Variants in TTLL11 observed in about 807,000 individuals in gnomAD.
The protein encoded by TTLL11 is tubulin polyglutamylase TTLL11.
A neutral mutation model predicts 51.7 loss-of-function variants in TTLL11; 42 were observed. The observed-to-expected ratio is 0.81, with a 90% confidence interval of 0.64 to 1.05. The LOEUF is 1.05. TTLL11 is among the 50% of genes least tolerant of loss of function. The pLI, the probability that TTLL11 is intolerant of heterozygous loss-of-function variation, is 0.00. For missense variants in TTLL11, 799 were observed against 940.4 expected, an observed-to-expected ratio of 0.85 and a Z score of 1.97; for synonymous variants, 381 against 383.5, an observed-to-expected ratio of 0.99 and a Z score of 0.08.
intron 4 of TTLL11, among the ~76,000 whole-genome samples, chr9:121,984,793 G>A (rs1588176455): frequency 6.6e-6 from 1 of 152,220 alleles, no homozygotes. Flanking sequence ...ATGGAACTGG[G>A]AAAGAACGTT....
chr9:121,917,273 G>A (rs900979835), intron 6 of TTLL11, among the ~76,000 whole-genome samples: 5 of 151,388 alleles, frequency 3.3e-5, no homozygotes, highest in East Asian at 1.9e-4. Flanking sequence ...GTTCGAGACC[G>A]CCTAGGCAAT....
intron 6 of TTLL11, among the ~76,000 whole-genome samples, chr9:121,871,031 G>A (rs530666700): frequency 2.6e-5 from 4 of 152,194 alleles, no homozygotes; most frequent in Admixed American, 1.3e-4. Flanking sequence ...ATGATTCAAC[G>A]GAATACTCTG....
At chr9:121,969,323 G>C (rs74518112) in intron 6 of TTLL11, among the ~76,000 whole-genome samples, 1 of 152,104 alleles carries the variant, frequency 6.6e-6, no homozygotes, top group Non-Finnish European at 1.5e-5. Flanking sequence ...AGGCACCCTC[G>C]AATATGCCAA....
chr9:121,965,332 G>C (rs1311750739), intron 6 of TTLL11, among the ~76,000 whole-genome samples: 1 of 152,188 alleles, frequency 6.6e-6, no homozygotes, highest in Non-Finnish European at 1.5e-5. Context: ...GGAGGCCTCA[G>C]GAAACTTACA....
At chr9:122,030,842 G>A (rs1260735926) in intron 3 of TTLL11, among the ~76,000 whole-genome samples, 2 of 151,342 alleles carry the variant, frequency 1.3e-5, no homozygotes, top group Admixed American at 1.3e-4. Context: ...TCAGAAGGCT[G>A]AGGCAGGAGA....
At position 121,870,582 on chromosome 9, in the gene TTLL11, C is replaced by G; in HGVS notation, c.1648G>C (p.Asp550His). Residue 550 changes from aspartate (D) to histidine (H), a missense_variant, in exon 7 of 9, where the codon GAC (aspartate) becomes CAC (histidine). Transcript: ENST00000321582. Reference protein sequence around the residue: ...AKQFNYLRLVDRMANLFIRFL... With the variant: ...AKQFNYLRLVHRMANLFIRFL... ...CGGATAAACAAATTTGCCATCCTGT[C>G]CACCAGGCGCAGGTAGTTGAACTGT... 1 of 1,551,738 alleles carries G rather than the reference C, an allele frequency of 6.4e-7. No homozygotes were observed. Among genetic ancestry groups the G allele is most frequent in the Non-Finnish European group, 8.7e-7 (1 of 1,147,002 alleles).
chr9:122,081,849 T>C (rs1003772055), intron 1 of TTLL11, among the ~76,000 whole-genome samples: 1 of 151,976 alleles, frequency 6.6e-6, no homozygotes, highest in African/African-American at 2.4e-5. Flanking sequence ...ACCATAATAT[T>C]TACAAACCAA....
intron 6 of TTLL11, among the ~76,000 whole-genome samples, chr9:121,902,462 A>T (rs191881170): frequency 3.9e-5 from 6 of 152,316 alleles, no homozygotes; most frequent in South Asian, 2.1e-4. Flanking sequence ...GTAGTTAGGA[A>T]CCTTGGAGAA....
chr9:121,994,631 G>A (rs1843203171), intron 3 of TTLL11, among the ~76,000 whole-genome samples: 1 of 152,202 alleles, frequency 6.6e-6, no homozygotes, highest in Non-Finnish European at 1.5e-5. Flanking sequence ...ATGAGAAGGG[G>A]ATGGAGGAAG....
chr9:122,067,012 C>T (rs1845603280), intron 1 of TTLL11, among the ~76,000 whole-genome samples: 1 of 152,154 alleles, frequency 6.6e-6, no homozygotes, highest in South Asian at 2.1e-4. Flanking sequence ...CAATTACCTT[C>T]ACCTGGTCTC....
chr9:121,958,601 T>C (rs1024690847), intron 6 of TTLL11, among the ~76,000 whole-genome samples: 6 of 152,116 alleles, frequency 3.9e-5, no homozygotes, highest in African/African-American at 1.4e-4. Flanking sequence ...AGGCTTCAGC[T>C]AGTAGATTTG....
chr9:121,929,458 ATATTT>A (rs1840882492), intron 6 of TTLL11, among the ~76,000 whole-genome samples: 1 of 151,980 alleles, frequency 6.6e-6, no homozygotes, highest in Admixed American at 6.6e-5. Flanking sequence ...AAAAAGTTAC[ATATTT>A]TATTTTAGGA....
intron 1 of TTLL11, among the ~76,000 whole-genome samples, chr9:122,040,036 C>T (rs949462744): frequency 1.3e-5 from 2 of 152,216 alleles, no homozygotes; most frequent in African/African-American, 2.4e-5. Flanking sequence ...GATGAGATAA[C>T]CAGATTCTCT....
chr9:122,088,009 G>A (rs1339618829), intron 1 of TTLL11, among the ~76,000 whole-genome samples: 1 of 152,176 alleles, frequency 6.6e-6, no homozygotes, highest in East Asian at 1.9e-4. Context: ...TGGCCAGAAC[G>A]GGTATGACTG....
chr9:121,873,108 T>C (rs1435897385), intron 6 of TTLL11, among the ~76,000 whole-genome samples: 2 of 152,182 alleles, frequency 1.3e-5, no homozygotes, highest in Non-Finnish European at 2.9e-5. Context: ...CAAGGAAAGA[T>C]TTGGAAATGT....
At position 121,987,490 on chromosome 9, in the gene TTLL11, T is replaced by C. The variant is rs139018246; in HGVS notation, c.1269+1705A>G. ...ACAGCTGAATGGCCTGTAAGAATGTTCCAGCCTCATTCCCTTCCCTCCCAC... is the reference window on the plus strand; with the variant it reads ...ACAGCTGAATGGCCTGTAAGAATGTCCCAGCCTCATTCCCTTCCCTCCCAC... On this transcript the variant is annotated intron_variant, in intron 4 of 8. Transcript: ENST00000321582. Among the ~76,000 whole-genome samples, 565 of 152,196 alleles carry C rather than the reference T, an allele frequency of 3.7e-3. 2 individuals are homozygous for C. The highest frequency in any genetic ancestry group is 0.013 in the African/African-American group (537 of 41,524).
At chr9:121,986,986 C>A (rs1842958823) in intron 4 of TTLL11, among the ~76,000 whole-genome samples, 1 of 151,938 alleles carries the variant, frequency 6.6e-6, no homozygotes, top group Non-Finnish European at 1.5e-5. Context: ...ATGGGTGGAC[C>A]TTGGAAACCT....
chr9:122,031,587 C>G (rs1844545841), intron 3 of TTLL11, 136 bp downstream of exon 3: 5 of 1,000,620 alleles, frequency 5.0e-6, no homozygotes, highest in Non-Finnish European at 7.1e-6. Context: ...CTGCCAACAC[C>G]TACTGTGTAC....
At chr9:121,860,203 C>G in intron 8 of TTLL11, 134 bp downstream of exon 8, 1 of 655,002 alleles carries the variant, frequency 1.5e-6, no homozygotes, top group South Asian at 2.2e-5. Flanking sequence ...TCAGCTCAAT[C>G]CCTGGGATTA....
Sources: gnomAD v4.1 joint callset for allele counts (sites outside exome capture counted in the v4.1 genomes callset) on GRCh38, gnomAD v4.1.1 for gene constraint, MANE v1.5 for transcripts, NCBI Gene and HGNC (gene_info 2026-07-23, HGNC 2026-07-21) for gene names.